DNAJB6: variants seen among roughly 807,000 people sequenced by gnomAD.
DNAJB6 encodes DnaJ heat shock protein family (Hsp40) member B6.
A neutral mutation model predicts 42.7 loss-of-function variants in DNAJB6; 16 were observed. The ratio of observed to expected loss-of-function variants is 0.37; its 90% CI spans 0.25 to 0.57. The LOEUF (loss-of-function observed/expected upper bound fraction) is 0.57, where lower values mean the gene tolerates loss of function less well. Ranked by LOEUF, DNAJB6 falls within the 20% of genes least tolerant of loss-of-function variation. The pLI is 0.74. For synonymous variants in DNAJB6, 170 were observed against 163.5 expected, an observed-to-expected ratio of 1.04 and a Z score of -0.30; for missense variants, 347 against 416.8, an observed-to-expected ratio of 0.83 and a Z score of 1.46.
At chr7:157,407,590 A>G (rs551695010) in intron 8 of DNAJB6, among the ~76,000 whole-genome samples, 1 of 152,018 alleles carries the variant, frequency 6.6e-6, no homozygotes, top group East Asian at 1.9e-4. Flanking sequence ...TCTCCCTCCA[A>G]GGTGGGATGT....
At chr7:157,402,197 G>A (rs1033102145) in intron 8 of DNAJB6, among the ~76,000 whole-genome samples, 1 of 152,216 alleles carries the variant, frequency 6.6e-6, no homozygotes, top group African/African-American at 2.4e-5. Flanking sequence ...CTGGGCCCAC[G>A]TGATCCTCCC....
Position 157,367,201 on chromosome 7 carries a change from A to G in DNAJB6, c.236-172A>G, listed in dbSNP as rs77878375. 8.6e-3 allele frequency among the ~76,000 whole-genome samples: 1,310 copies of G among 152,296 alleles called. 10 individuals carry two copies. Among genetic ancestry groups the G allele is most frequent in the Middle Eastern group, 0.02 (6 of 294 alleles). On this transcript the variant is annotated intron_variant, in intron 4 of 9. Transcript: ENST00000262177. ...CTCATATGCCATCAGCGCTGGGCAC[A>G]CTCACTCTCTGTCAGTACAGGGCTC...
At chr7:157,401,215 T>A (rs1310160838) in intron 8 of DNAJB6, among the ~76,000 whole-genome samples, 1 of 152,162 alleles carries the variant, frequency 6.6e-6, no homozygotes, top group Non-Finnish European at 1.5e-5. Context: ...ATATAATTTA[T>A]ATTTCTTTTT....
At chr7:157,346,187 G>T (rs545839324) in intron 1 of DNAJB6, among the ~76,000 whole-genome samples, 1 of 152,174 alleles carries the variant, frequency 6.6e-6, no homozygotes, top group African/African-American at 2.4e-5. Flanking sequence ...GGAGATGAAG[G>T]CCAGTTAAAA....
At chr7:157,398,571 G>T (rs1193580447) in intron 8 of DNAJB6, among the ~76,000 whole-genome samples, 1 of 152,218 alleles carries the variant, frequency 6.6e-6, no homozygotes. Context: ...GGCAGCTGCG[G>T]AACATTCCTC....
intron 8 of DNAJB6, among the ~76,000 whole-genome samples, chr7:157,403,381 A>G (rs571033251): frequency 1.3e-5 from 2 of 152,328 alleles, no homozygotes; most frequent in South Asian, 4.1e-4. Flanking sequence ...TGCCAGGGTG[A>G]AAACCCAACA....
At chr7:157,337,597 C>T (rs894459728) in intron 1 of DNAJB6, 2 of 151,912 alleles carry the variant, frequency 1.3e-5, no homozygotes, top group Admixed American at 6.5e-5. Flanking sequence ...ATGCCGCAGC[C>T]GTGCCGCCAA....
At chr7:157,406,735 G>C (rs946132294) in intron 8 of DNAJB6, among the ~76,000 whole-genome samples, 1 of 152,246 alleles carries the variant, frequency 6.6e-6, no homozygotes, top group East Asian at 1.9e-4. Flanking sequence ...CAACATCCAT[G>C]CCTGCCTGGC....
chr7:157,350,683 A>C (rs969806461), intron 1 of DNAJB6, among the ~76,000 whole-genome samples: 5 of 140,908 alleles, frequency 3.5e-5, no homozygotes, highest in Admixed American at 7.7e-5. Flanking sequence ...TGGAGACAAC[A>C]ACCTTTTTTT....
At chr7:157,404,545 C>G (rs1035524191) in intron 8 of DNAJB6, among the ~76,000 whole-genome samples, 1 of 135,702 alleles carries the variant, frequency 7.4e-6, no homozygotes, top group African/African-American at 2.9e-5. Flanking sequence ...GAGTCTCGCT[C>G]TGTTGCCCAG....
rs748568044 is a variant in DNAJB6 at position 157,358,629 on chromosome 7, T to C, written c.57T>C (p.Ile19=). ...GVQRHASPED[I]KKAYRKLALK... ...AGAGACATGCCTCACCCGAGGATAT[T>C]AAAAAGGCGTAAGTAGTTTTATTTC... Residue 19 remains isoleucine, a synonymous_variant, in exon 2 of 10, where the codon ATT becomes ATC. Coordinates refer to ENST00000262177, the MANE Select transcript of DNAJB6 (RefSeq NM_058246.4). 3.3e-5 allele frequency: 53 copies of C among 1,611,444 alleles called. No individual in the cohort carries two copies. In the Middle Eastern group the frequency reaches 1.3e-3, roughly 40 times the overall value.
intron 1 of DNAJB6, among the ~76,000 whole-genome samples, chr7:157,351,513 G>C (rs1214177865): frequency 6.6e-6 from 1 of 151,828 alleles, no homozygotes; most frequent in African/African-American, 2.4e-5. Flanking sequence ...GATGCCTGTA[G>C]TCCCAGCTCC....
intron 3 of DNAJB6, among the ~76,000 whole-genome samples, chr7:157,364,007 A>G (rs767383243): frequency 6.6e-6 from 1 of 152,168 alleles, no homozygotes; most frequent in African/African-American, 2.4e-5. Context: ...GGCTTTTCCA[A>G]GGTTAGGGAT....
At chr7:157,393,372 A>G (rs892222275) in intron 8 of DNAJB6, among the ~76,000 whole-genome samples, 17 of 152,214 alleles carry the variant, frequency 1.1e-4, no homozygotes, top group African/African-American at 2.9e-4. Context: ...TCTTATTGAT[A>G]TAAGTATTTT....
intron 2 of DNAJB6, among the ~76,000 whole-genome samples, chr7:157,358,854 T>C (rs186517452): frequency 6.6e-6 from 1 of 152,210 alleles, no homozygotes; most frequent in Admixed American, 6.5e-5. Flanking sequence ...ATATCTGAAG[T>C]TGATGATTGT....
chr7:157,389,806 G>T (rs1801253273), intron 8 of DNAJB6, among the ~76,000 whole-genome samples: 1 of 152,236 alleles, frequency 6.6e-6, no homozygotes, highest in Non-Finnish European at 1.5e-5. Flanking sequence ...TTGGGCGTTA[G>T]AAGGCCTGTC....
intron 5 of DNAJB6, among the ~76,000 whole-genome samples, chr7:157,376,205 G>A (rs1313220036): frequency 6.6e-6 from 1 of 152,164 alleles, no homozygotes; most frequent in Non-Finnish European, 1.5e-5. Flanking sequence ...CTTCAAGTTT[G>A]TATGTGGGTA....
chr7:157,397,535 C>G (rs1038095688), intron 8 of DNAJB6, among the ~76,000 whole-genome samples: 2 of 152,206 alleles, frequency 1.3e-5, no homozygotes, highest in African/African-American at 4.8e-5. Flanking sequence ...CAACAGGAGA[C>G]TTTCCTCCTC....
chr7:157,363,413 A>AT (rs1253802584), intron 3 of DNAJB6, 143 bp downstream of exon 3: 1 of 555,406 alleles, frequency 1.8e-6, no homozygotes, highest in African/African-American at 1.9e-5. Flanking sequence ...CTTCTAAGAG[A>AT]TTTTTACTTT....
Sources: gnomAD v4.1 joint callset for allele counts (sites outside exome capture counted in the v4.1 genomes callset) on GRCh38, gnomAD v4.1.1 for gene constraint, MANE v1.5 for transcripts, NCBI Gene and HGNC (gene_info 2026-07-23, HGNC 2026-07-21) for gene names.